Variants in HSH2D observed in about 807,000 individuals in gnomAD.
The protein encoded by HSH2D is hematopoietic SH2 domain-containing protein.
Under a neutral mutation model 21.5 loss-of-function variants are expected in HSH2D, and 16 were observed. The observed-to-expected ratio is 0.74, with a 90% CI of 0.50 to 1.13. The LOEUF is 1.13. Ranked by LOEUF, HSH2D falls within the 50% of genes most tolerant of loss-of-function variation. The pLI, the probability that HSH2D is intolerant of heterozygous loss-of-function variation, is 0.00. For synonymous variants in HSH2D, 172 were observed against 184.7 expected, an observed-to-expected ratio of 0.93 and a Z score of 0.56; for missense variants, 418 against 441.4, an observed-to-expected ratio of 0.95 and a Z score of 0.47.
intron 1 of HSH2D, among the ~76,000 whole-genome samples, chr19:16,136,864 A>G (rs774524079): frequency 1.1e-4 from 16 of 152,126 alleles, no homozygotes; most frequent in Non-Finnish European, 1.5e-5. Context: ...AGTCCAACCA[A>G]TCTTTCACGC....
At chr19:16,139,614 A>C (rs2090985960), upstream of HSH2D, 1 of 152,176 alleles carries the variant, frequency 6.6e-6, no homozygotes, top group Non-Finnish European at 1.5e-5. Flanking sequence ...GTGTTGGCAG[A>C]GCCTAAGGGC....
intron 5 of HSH2D, chr19:16,154,741 C>G (rs893198719): frequency 2.3e-5 from 8 of 354,614 alleles, no homozygotes; most frequent in East Asian, 1.2e-4. Context: ...ACACACCAAG[C>G]TAGCCTCGGG....
chr19:16,151,422 T>C (rs906969209), intron 2 of HSH2D: 2 of 402,120 alleles, frequency 5.0e-6, no homozygotes, highest in South Asian at 1.8e-5. Flanking sequence ...CATGCTTATG[T>C]TGCAAGTTCT....
Position 16,157,310 on chromosome 19 carries a change from C to G in HSH2D, c.575C>G (p.Pro192Arg). 1.9e-6 allele frequency: 3 copies of G among 1,613,100 alleles called. No homozygotes were observed. The highest frequency in any genetic ancestry group is 2.5e-6 in the Non-Finnish European group (3 of 1,179,626). ...TTKEATSSCP[P>R]KSPLGETRQK... ...AAGGAAGCCACTTCCTCCTGCCCCC[C>G]AAAATCCCCTCTTGGAGAGACCCGC... is the stretch of plus-strand genomic sequence containing the variant. Residue 192 changes from proline to arginine, a missense_variant, in exon 6 of 6, where the codon CCA becomes CGA. Coordinates refer to ENST00000613986, the MANE Select transcript of HSH2D (RefSeq NM_001382417.1). The surrounding 1 kb of genome is among the most constrained non-coding windows in gnomAD (Gnocchi z 4.4).
chr19:16,152,431 AG>A, intron 2 of HSH2D, 120 bp from the exon 3 acceptor site: 1 of 529,200 alleles, frequency 1.9e-6, no homozygotes, highest in South Asian at 4.8e-5. Flanking sequence ...AAAAAAAAAA[AG>A]GAAAAAAGAA....
At chr19:16,154,641 G>A in intron 5 of HSH2D, 150 bp downstream of exon 5, 1 of 540,590 alleles carries the variant, frequency 1.8e-6, no homozygotes, top group Non-Finnish European at 3.3e-6. Context: ...TTGCAACACC[G>A]AGATTAAAAT....
At position 16,152,335 on chromosome 19, in the gene HSH2D, G is replaced by C. The variant is rs188491156; in HGVS notation, c.126-217G>C. 2.0e-5 allele frequency among the ~76,000 whole-genome samples: 3 copies of C among 150,226 alleles called. No individual in the cohort carries two copies. In the Admixed American group the frequency reaches 2.0e-4, roughly 10 times the overall value. The stretch of plus-strand genomic sequence containing the variant: ...TGGGAGGCTGAGGCAGGAGAATGGC[G>C]TGAATCCGGGAGGCGGAGCTTGCAG... On this transcript the variant is annotated intron_variant, in intron 2 of 5. Transcript: ENST00000613986.
intron 1 of HSH2D, among the ~76,000 whole-genome samples, chr19:16,146,280 T>C (rs2091068316): frequency 6.6e-6 from 1 of 152,154 alleles, no homozygotes; most frequent in Non-Finnish European, 1.5e-5. Context: ...TGTGAATTAA[T>C]GATGCATCTG....
chr19:16,152,182 C>G (rs2091166830), intron 2 of HSH2D, among the ~76,000 whole-genome samples: 1 of 150,480 alleles, frequency 6.6e-6, no homozygotes, highest in Non-Finnish European at 1.5e-5. Context: ...CTTTGGGAGG[C>G]CGAGGTGGGC....
intron 2 of HSH2D, 76 bp from the exon 3 acceptor site, chr19:16,152,476 C>A: frequency 1.2e-6 from 1 of 801,326 alleles, no homozygotes; most frequent in Non-Finnish European, 1.8e-6. Flanking sequence ...CATGAATGAT[C>A]CCATGGCCCC....
At chr19:16,153,011 A>G (rs772297751) in intron 3 of HSH2D, 32 bp from the exon 4 acceptor site, 1 of 1,597,320 alleles carries the variant, frequency 6.3e-7, no homozygotes. Flanking sequence ...GAGGGGGAGT[A>G]GGATGTCCCA....
chr19:16,151,508 G>C (rs996843723), intron 2 of HSH2D: 5 of 455,726 alleles, frequency 1.1e-5, no homozygotes, highest in African/African-American at 1.0e-4. Context: ...AGGGAGAGAC[G>C]ATTGCCTGAG....
At chr19:16,152,087 C>A (rs1221396965) in intron 2 of HSH2D, among the ~76,000 whole-genome samples, 3 of 112,568 alleles carry the variant, frequency 2.7e-5, no homozygotes, top group Admixed American at 1.2e-4. Context: ...GCCTGGGAGA[C>A]AGAGCGAGAC....
At chr19:16,154,317 T>C in intron 4 of HSH2D, 82 bp from the exon 5 acceptor site, 2 of 867,524 alleles carry the variant, frequency 2.3e-6, no homozygotes, top group South Asian at 3.3e-5. Context: ...CAAGGGATGG[T>C]CCCTGAGACC....
At chr19:16,142,623 C>A (rs111947973), upstream of HSH2D, among the ~76,000 whole-genome samples, 1,065 of 152,154 alleles carry the variant, frequency 7.0e-3, 10 homozygotes, top group African/African-American at 0.024. Context: ...GTCACCACGC[C>A]GGGCTAATTT....
intron 1 of HSH2D, among the ~76,000 whole-genome samples, chr19:16,137,698 T>C (rs1363418758): frequency 6.6e-6 from 1 of 151,874 alleles, no homozygotes; most frequent in Non-Finnish European, 1.5e-5. Context: ...CCTCCTGCCT[T>C]AGCCTCCCAA....
intron 1 of HSH2D, among the ~76,000 whole-genome samples, chr19:16,145,109 G>C (rs991866594): frequency 2.0e-5 from 3 of 148,230 alleles, no homozygotes; most frequent in Non-Finnish European, 4.5e-5. Flanking sequence ...TGCGATCTTG[G>C]CTCACTGCAA....
In HSH2D at chr19:16,157,221, G is replaced by T; in HGVS notation, c.486G>T (p.Lys162Asn). The change falls in exon 6 of 6, where the codon AAG becomes AAT. Residue 162 changes from lysine (K) to asparagine (N), a missense_variant. Lys to Asn is a moderately conservative substitution (Grantham distance 94, BLOSUM62 0). Transcript: ENST00000613986. The surrounding 1 kb of genome is among the most constrained non-coding windows in gnomAD (Gnocchi z 4.4). The part of the protein sequence containing the change: ...PVSAPEEASP[K>N]PVLCHQSKER... ...ACTCTCATTTTCAGGCCTCCCCAAA[G>T]CCAGTCCTGTGTCACCAATCAAAGG... The T allele has an allele frequency of 6.5e-7, 1 of 1,539,740 alleles. No individual in the cohort carries two copies. Among genetic ancestry groups the T allele is most frequent in the Non-Finnish European group, 8.7e-7 (1 of 1,144,906 alleles).
chr19:16,143,897 A>G, intron 1 of HSH2D, 123 bp downstream of exon 1: 2 of 267,556 alleles, frequency 7.5e-6, no homozygotes, highest in Non-Finnish European at 1.6e-5. Flanking sequence ...GGCATGGGGG[A>G]GAGCTTCGTG....
Sources: gnomAD v4.1 joint callset for allele counts (sites outside exome capture counted in the v4.1 genomes callset) on GRCh38, gnomAD v4.1.1 for gene constraint, Gnocchi (gnomAD v3.1) non-coding constraint, MANE v1.5 for transcripts, NCBI Gene and HGNC (gene_info 2026-07-23, HGNC 2026-07-21) for gene names.